Variants in ROBO2 observed in about 807,000 individuals in gnomAD.
The protein encoded by ROBO2 is roundabout guidance receptor 2.
A neutral mutation model predicts 160.8 loss-of-function variants in ROBO2; 53 were observed. The observed-to-expected ratio is 0.33, with a 90% CI of 0.26 to 0.41. The LOEUF is 0.41. ROBO2 is among the 10% of genes least tolerant of loss of function. The pLI is 1.00. For missense variants in ROBO2, 1,577 were observed against 1,722.4 expected (o/e 0.92, Z 1.49); for synonymous variants, 664 against 611.7 (o/e 1.09, Z -1.26).
rs367585424 is a variant in ROBO2, at chr3:77,293,959, G to A, written c.389-183455G>A. On this transcript the variant is annotated intron_variant, in intron 2 of 25. Transcript: ENST00000461745. ...TTGATGGTTAAACGGGTAAGCTGAGGCTAGATCACCCCAGACATAAAGTAA... is the reference window on the plus strand; with the variant it reads ...TTGATGGTTAAACGGGTAAGCTGAGACTAGATCACCCCAGACATAAAGTAA... 4.3e-4 allele frequency among the ~76,000 whole-genome samples: 62 copies of A among 143,758 alleles called. 2 individuals carry two copies. In the East Asian group the frequency reaches 0.01, roughly 24 times the overall value. 94.3% of individuals were successfully genotyped at this position (143,758 alleles called of 152,430 possible). A position where few individuals can be genotyped will look rare whatever the true frequency, so the allele number is the denominator to read the frequency against.
intron 2 of ROBO2, among the ~76,000 whole-genome samples, chr3:77,352,240 A>AG (rs2068456417): frequency 6.6e-6 from 1 of 150,950 alleles, no homozygotes; most frequent in Non-Finnish European, 1.5e-5. Flanking sequence ...TTTCTGAAAA[A>AG]AAAATAAAAA....
chr3:75,935,818 T>C (rs1947751899), intron 1 of ROBO2, among the ~76,000 whole-genome samples: 1 of 152,164 alleles, frequency 6.6e-6, no homozygotes, highest in Non-Finnish European at 1.5e-5. Context: ...TCCTGCTTAG[T>C]GTTTACTTGT....
intron 2 of ROBO2, among the ~76,000 whole-genome samples, chr3:76,465,534 G>GA (rs1241636891): frequency 2.0e-5 from 3 of 151,960 alleles, no homozygotes; most frequent in Non-Finnish European, 4.4e-5. Flanking sequence ...TGGATGATAA[G>GA]AAGAAATTAT....
intron 2 of ROBO2, among the ~76,000 whole-genome samples, chr3:76,414,592 A>G (rs1401294906): frequency 2.4e-5 from 3 of 127,414 alleles, no homozygotes; most frequent in Non-Finnish European, 4.8e-5. Flanking sequence ...CAGGAAGGGG[A>G]ATATCACACT....
intron 2 of ROBO2, among the ~76,000 whole-genome samples, chr3:77,233,150 A>G (rs1056755927): frequency 6.6e-6 from 1 of 152,214 alleles, no homozygotes; most frequent in Admixed American, 6.5e-5. Context: ...GTCAGTTTTC[A>G]GCTCTGCATA....
intron 1 of ROBO2, among the ~76,000 whole-genome samples, chr3:77,041,259 C>A (rs947190077): frequency 6.6e-6 from 1 of 152,198 alleles, no homozygotes. Context: ...GTAATAGACA[C>A]TCTAAGGAAG....
At chr3:76,052,653 C>A (rs2067695439) in intron 2 of ROBO2, among the ~76,000 whole-genome samples, 1 of 151,954 alleles carries the variant, frequency 6.6e-6, no homozygotes, top group Non-Finnish European at 1.5e-5. Context: ...AACCAGAAAT[C>A]TTTGTAATCC....
In ROBO2 at chr3:76,472,906, A is replaced by G. The variant is rs116142972; in HGVS notation, c.109+535304A>G. The stretch of plus-strand genomic sequence containing the variant: ...GTCTCATGAAAAAAGTGCTGAACAG[A>G]CACAGGTAATCCATGCTGTCGGTGT... On this transcript the variant is annotated intron_variant, in intron 2 of 26. Coordinates refer to the ROBO2 transcript ENST00000487694. 9.6e-3 allele frequency among the ~76,000 whole-genome samples: 1,456 copies of G among 152,324 alleles called. 19 individuals are homozygous for G. Among genetic ancestry groups the G allele is most frequent in the Middle Eastern group, 0.034 (10 of 294 alleles).
At chr3:77,408,689 C>T (rs767407683) in intron 2 of ROBO2, among the ~76,000 whole-genome samples, 27 of 152,006 alleles carry the variant, frequency 1.8e-4, no homozygotes, top group Non-Finnish European at 3.1e-4. Flanking sequence ...CCTACATTGA[C>T]TTCTTCTGTT....
intron 2 of ROBO2, among the ~76,000 whole-genome samples, chr3:77,467,262 A>G (rs1257028390): frequency 6.6e-6 from 1 of 152,164 alleles, no homozygotes; most frequent in Non-Finnish European, 1.5e-5. Context: ...ATTGAATTCA[A>G]ATTTTGTATA....
At chr3:76,449,171 A>G (rs935936887) in intron 2 of ROBO2, among the ~76,000 whole-genome samples, 2 of 152,126 alleles carry the variant, frequency 1.3e-5, no homozygotes, top group Non-Finnish European at 2.9e-5. Context: ...GATCTTACCA[A>G]ATATATGTGT....
intron 1 of ROBO2, among the ~76,000 whole-genome samples, chr3:75,927,319 G>C (rs1485315330): frequency 6.6e-6 from 1 of 151,992 alleles, no homozygotes; most frequent in Non-Finnish European, 1.5e-5. Flanking sequence ...GCTGGTGTGG[G>C]GTCTCCTGAA....
rs140894728 is a variant in ROBO2 at position 77,231,068 on chromosome 3, T to C, written c.388+132728T>C. On this transcript the variant is annotated intron_variant, in intron 2 of 25. Coordinates refer to ENST00000461745, the Ensembl canonical transcript of ROBO2. Reference sequence around the variant, plus strand: ...GAACTGGGATCTACTTTCTCACTAGTTAAGAATCCTTCTAGGCCCATTGCG... The same window carrying C: ...GAACTGGGATCTACTTTCTCACTAGCTAAGAATCCTTCTAGGCCCATTGCG... Among the ~76,000 whole-genome samples, 35 of 151,078 alleles carry C rather than the reference T, an allele frequency of 2.3e-4. No individual in the cohort carries two copies. In the East Asian group the frequency reaches 6.8e-3, roughly 29 times the overall value.
In ROBO2 at chr3:77,602,458, T is replaced by C. The variant is rs772491160; in HGVS notation, c.3103T>C (p.Tyr1035His). ...AAAAACAGATCTGATGGGATTTGGT[T>C]ATTCTCTACCTGATCAGAACAAAGG... Residue 1035 changes from tyrosine to histidine, a missense_variant, in exon 20 of 26, where the codon TAT (tyrosine) becomes CAT (histidine). Transcript: ENST00000461745. 6.4e-5 allele frequency: 103 copies of C among 1,614,040 alleles called. No homozygotes were observed. The highest frequency in any genetic ancestry group is 8.1e-5 in the Non-Finnish European group (96 of 1,180,032).
chr3:75,927,094 G>A (rs1368493957), intron 1 of ROBO2, among the ~76,000 whole-genome samples: 1 of 152,156 alleles, frequency 6.6e-6, no homozygotes, highest in Non-Finnish European at 1.5e-5. Context: ...ATAGATAAAA[G>A]GGAGATCATC....
intron 2 of ROBO2, among the ~76,000 whole-genome samples, chr3:76,152,548 G>A (rs2072252104): frequency 6.6e-6 from 1 of 151,936 alleles, no homozygotes; most frequent in Admixed American, 6.6e-5. Context: ...TCCTTCTAAT[G>A]TGTGCATTTG....
At chr3:76,205,783 T>TA (rs1702773063) in intron 2 of ROBO2, among the ~76,000 whole-genome samples, 1 of 152,162 alleles carries the variant, frequency 6.6e-6, no homozygotes, top group Admixed American at 6.6e-5. Flanking sequence ...ATCCCCTTCA[T>TA]AAAATTCTTC....
chr3:77,479,675 C>T (rs1378970229), intron 3 of ROBO2, among the ~76,000 whole-genome samples: 2 of 152,060 alleles, frequency 1.3e-5, no homozygotes, highest in African/African-American at 4.8e-5. Context: ...AAAATGTACT[C>T]CTGATGATGG....
At chr3:77,048,162 G>A (rs1049013158) in intron 1 of ROBO2, among the ~76,000 whole-genome samples, 1 of 152,140 alleles carries the variant, frequency 6.6e-6, no homozygotes, top group Non-Finnish European at 1.5e-5. Context: ...TGCCTAGTAT[G>A]AACAAGGAAA....
Sources: gnomAD v4.1 joint callset for allele counts (sites outside exome capture counted in the v4.1 genomes callset) on GRCh38, gnomAD v4.1.1 for gene constraint, MANE v1.5 for transcripts, NCBI Gene and HGNC (gene_info 2026-07-23, HGNC 2026-07-21) for gene names.